Variants in METTL8 observed in about 807,000 individuals in gnomAD.
METTL8 encodes methyltransferase 8, tRNA N3-cytidine.
METTL8 carries 32 observed loss-of-function variants against 48.7 expected under a neutral mutation model. That is an observed-to-expected ratio of 0.66 (90% CI 0.50 to 0.88). The LOEUF (loss-of-function observed/expected upper bound fraction) is 0.88, where lower values mean the gene tolerates loss of function less well. Ranked by LOEUF, METTL8 falls within the 40% of genes least tolerant of loss-of-function variation. METTL8 has a pLI of 0.00. For synonymous variants in METTL8, 136 were observed against 157.1 expected (o/e 0.87, Z 1.01); for missense variants, 464 against 474.4 (o/e 0.98, Z 0.20).
intron 1 of METTL8, among the ~76,000 whole-genome samples, chr2:171,432,351 G>C (rs763298523): frequency 1.3e-5 from 2 of 152,220 alleles, no homozygotes. Context: ...AGAGTCTAAA[G>C]GACTTGGTTG....
At chr2:171,371,878 C>T (rs1225981385) in intron 2 of METTL8, among the ~76,000 whole-genome samples, 2 of 139,836 alleles carry the variant, frequency 1.4e-5, no homozygotes, top group African/African-American at 2.8e-5. Flanking sequence ...ATTGTAGAGA[C>T]GGGTCTTGCT....
In METTL8 at chr2:171,349,978, T is replaced by A. The variant is rs559308845; in HGVS notation, c.236-10424A>T. Among the ~76,000 whole-genome samples the A allele has an allele frequency of 7.4e-4, 112 of 152,320 alleles. 1 individual carries two copies. Among genetic ancestry groups the A allele is most frequent in the Middle Eastern group, 6.8e-3 (2 of 294 alleles). On this transcript the variant is annotated intron_variant, in intron 3 of 9. Coordinates refer to ENST00000375258, the MANE Select transcript of METTL8 (RefSeq NM_001321154.2). The stretch of plus-strand genomic sequence containing the variant: ...TATTTGTCTTTTCTTTTATTATTGT[T>A]ATACTTTAAGTTCTAAGGTACATGT...
chr2:171,427,412 A>G (rs1236337622), intron 1 of METTL8, among the ~76,000 whole-genome samples: 4 of 152,170 alleles, frequency 2.6e-5, no homozygotes, highest in South Asian at 2.1e-4. Context: ...AAAGCCTCCT[A>G]TCAGAATAAA....
chr2:171,379,402 T>C (rs1687288228), intron 2 of METTL8, among the ~76,000 whole-genome samples: 2 of 151,102 alleles, frequency 1.3e-5, no homozygotes, highest in Non-Finnish European at 2.9e-5. Flanking sequence ...AAGAAATAAC[T>C]AAGACCAGAG....
At chr2:171,346,603 G>C (rs1687288214) in intron 3 of METTL8, among the ~76,000 whole-genome samples, 1 of 152,142 alleles carries the variant, frequency 6.6e-6, no homozygotes, top group Non-Finnish European at 1.5e-5. Flanking sequence ...AGTGAGATAA[G>C]ATCAGTAAAC....
At chr2:171,375,266 TTTTC>T in intron 2 of METTL8, 1 of 1,019,632 alleles carries the variant, frequency 9.8e-7, no homozygotes, top group Middle Eastern at 2.0e-4. Flanking sequence ...TTGTTCCTTC[TTTTC>T]TTTGTCATCT....
At chr2:171,348,519 AC>A (rs1006287661) in intron 3 of METTL8, among the ~76,000 whole-genome samples, 14 of 152,168 alleles carry the variant, frequency 9.2e-5, no homozygotes, top group Non-Finnish European at 1.8e-4. Flanking sequence ...CACAAGAGTG[AC>A]CAAAAAATGA....
intron 3 of METTL8, among the ~76,000 whole-genome samples, chr2:171,348,902 G>A (rs1021897240): frequency 2.0e-5 from 3 of 152,150 alleles, no homozygotes; most frequent in African/African-American, 7.2e-5. Context: ...GAATATAAGA[G>A]TTGGGTAAAG....
At chr2:171,411,926 A>G (rs1050206593) in intron 1 of METTL8, among the ~76,000 whole-genome samples, 6 of 152,244 alleles carry the variant, frequency 3.9e-5, no homozygotes, top group Non-Finnish European at 8.8e-5. Flanking sequence ...TTAGAAAATA[A>G]TAAGTAGAAA....
At chr2:171,361,260 T>TC (rs1266147975) in intron 2 of METTL8, among the ~76,000 whole-genome samples, 1 of 151,936 alleles carries the variant, frequency 6.6e-6, no homozygotes, top group Admixed American at 6.6e-5. Context: ...TTGCTTTTTT[T>TC]TTTTTGCAAT....
At chr2:171,421,117 C>G (rs62183464) in intron 1 of METTL8, among the ~76,000 whole-genome samples, 35,256 of 151,934 alleles carry the variant, frequency 0.23, 4,306 homozygotes, top group African/African-American at 0.31. Context: ...AGTTTCCTAA[C>G]GATATGATTA....
Position 171,324,020 on chromosome 2 carries a change from C to T in METTL8, c.*152G>A. ...TACTGTGCTGAACCACTTACATGTG[C>T]TTAAAATGCACAAAGGAGCTCACCT... On this transcript the variant is annotated 3_prime_UTR_variant, in exon 10 of 10. Transcript: ENST00000375258. 1.6e-6 allele frequency: 1 copy of T among 629,552 alleles called. No individual in the cohort carries two copies. Among genetic ancestry groups the T allele is most frequent in the Non-Finnish European group, 2.7e-6 (1 of 374,026 alleles). The allele number at this position is 629,552 out of a possible 1,614,324, so 39.0% of individuals were successfully genotyped here.
chr2:171,406,151 C>A lies in METTL8; in HGVS notation c.-12-13954G>T, dbSNP rs116871066. On this transcript the variant is annotated intron_variant, in intron 1 of 9. Coordinates refer to ENST00000375258, the MANE Select transcript of METTL8 (RefSeq NM_001321154.2). ...AGGTGAACATATACCCTATGCTAAGCCAATCGGCACACTTCTATACCTCTG... is the reference window on the plus strand; with the variant it reads ...AGGTGAACATATACCCTATGCTAAGACAATCGGCACACTTCTATACCTCTG... Among the ~76,000 whole-genome samples the A allele has an allele frequency of 1.3e-3, 203 of 152,280 alleles. 4 individuals are homozygous for A. In the East Asian group the frequency reaches 0.014, roughly 11 times the overall value.
At chr2:171,338,390 C>T (rs1686335236) in intron 4 of METTL8, among the ~76,000 whole-genome samples, 1 of 152,096 alleles carries the variant, frequency 6.6e-6, no homozygotes, top group South Asian at 2.1e-4. Flanking sequence ...GTAATCCCAG[C>T]ACTTTAGGAG....
rs1264256708 is a variant in METTL8 at position 171,323,642 on chromosome 2, C to T, written c.*530G>A. 1 of 152,004 alleles carries T rather than the reference C, an allele frequency of 6.6e-6. No homozygotes were observed. The highest frequency in any genetic ancestry group is 2.4e-5 in the African/African-American group (1 of 41,356). 9.4% of individuals were successfully genotyped at this position (152,004 alleles called of 1,614,324 possible). On this transcript the variant is annotated 3_prime_UTR_variant, in exon 10 of 10. Coordinates refer to ENST00000375258, the MANE Select transcript of METTL8 (RefSeq NM_001321154.2). ...CTAAAATTCTATTTCAGATATGAGC[C>T]TCTGAATTTCAAAAAAAAATTGGGA... is the stretch of plus-strand genomic sequence containing the variant.
At chr2:171,385,663 T>A (rs891634918) in intron 2 of METTL8, among the ~76,000 whole-genome samples, 4 of 152,198 alleles carry the variant, frequency 2.6e-5, no homozygotes, top group Non-Finnish European at 4.4e-5. Context: ...GGGTATGCTA[T>A]GAAGATGGAT....
At chr2:171,355,825 T>G (rs543066580) in intron 3 of METTL8, among the ~76,000 whole-genome samples, 80 of 152,178 alleles carry the variant, frequency 5.3e-4, no homozygotes, top group African/African-American at 1.9e-3. Flanking sequence ...AAAAGCGCAG[T>G]ATTAGGGAGG....
At chr2:171,397,352 TAAAAAAAAA>T (rs71013039) in intron 1 of METTL8, among the ~76,000 whole-genome samples, 2 of 11,690 alleles carry the variant, frequency 1.7e-4, no homozygotes, top group Non-Finnish European at 3.1e-4. Flanking sequence ...ACCCTGTCTC[TAAAAAAAAA>T]AAAAAAAAAA....
At chr2:171,374,380 A>G (rs1344884626) in intron 2 of METTL8, among the ~76,000 whole-genome samples, 2 of 152,172 alleles carry the variant, frequency 1.3e-5, no homozygotes, top group Non-Finnish European at 2.9e-5. Context: ...TGCTCTTTTC[A>G]TTTAATGATA....
Sources: gnomAD v4.1 joint callset for allele counts (sites outside exome capture counted in the v4.1 genomes callset) on GRCh38, gnomAD v4.1.1 for gene constraint, MANE v1.5 for transcripts, NCBI Gene and HGNC (gene_info 2026-07-23, HGNC 2026-07-21) for gene names.